Variants in PLEKHG4B observed in about 807,000 individuals in gnomAD.
The protein encoded by PLEKHG4B is pleckstrin homology and RhoGEF domain containing G4B.
A neutral mutation model predicts 121.3 loss-of-function variants in PLEKHG4B; 111 were observed. The observed-to-expected ratio is 0.92, with a 90% confidence interval of 0.78 to 1.07. The LOEUF is 1.07. Among genes scored for constraint, PLEKHG4B ranks in the 50% least tolerant of loss-of-function variants. PLEKHG4B has a pLI of 0.00. For missense variants in PLEKHG4B, 1,831 were observed against 1,757.8 expected, an observed-to-expected ratio of 1.04 and a Z score of -0.74; for synonymous variants, 738 against 725.0, an observed-to-expected ratio of 1.02 and a Z score of -0.29.
chr5:156,178 G>A lies in PLEKHG4B; in HGVS notation c.2316G>A (p.Leu772=). Residue 772 remains leucine (L), a synonymous_variant, in exon 10 of 20, where the codon CTG becomes CTA. Transcript: ENST00000637938. This position sits in a 1 kb window ranked among gnomAD's most constrained non-coding sequence, Gnocchi z 4.4. ...AGGGGGGCACCGTCCTGGCGCGGCT[G>A]AGGAGAGAAGAGCTTGGCACAGAAG... ...RLEGGTVLAR[L]RREELGTEDS... 2.5e-6 allele frequency: 4 copies of A among 1,571,354 alleles called. No individual in the cohort carries two copies. Among genetic ancestry groups the A allele is most frequent in the East Asian group, 2.3e-5 (1 of 43,720 alleles).
chr5:140,250 G>A lies in PLEKHG4B; in HGVS notation c.1011G>A (p.Arg337=). The A allele has an allele frequency of 6.9e-7, 1 of 1,449,804 alleles. No individual in the cohort carries two copies. Among genetic ancestry groups the A allele is most frequent in the Non-Finnish European group, 9.1e-7 (1 of 1,098,268 alleles). The allele number at this position is 1,449,804 out of a possible 1,614,324, so 89.8% of individuals were successfully genotyped here. The change falls in exon 3 of 20, where the codon AGG becomes AGA. Residue 337 remains arginine (R), a synonymous_variant. Coordinates refer to ENST00000637938, the MANE Select transcript of PLEKHG4B (RefSeq NM_052909.5). ...HTDLGIPSSR[R]RPPGDPTCVQ... ...ACCTGGGCATCCCGAGCAGCAGGAG[G>A]CGGCCGCCGGGGGACCCCACTTGTG...
Position 145,218 on chromosome 5 carries a change from C to T in PLEKHG4B, c.1905+298C>T, listed in dbSNP as rs182985878. On this transcript the variant is annotated intron_variant, in intron 6 of 19. Transcript: ENST00000637938. ...CCTAAAATGCAAAGCCAGCCAGGCC[C>T]GGGTGGTGGGCACCTGTCCCAGGAG... 1.4e-4 allele frequency among the ~76,000 whole-genome samples: 22 copies of T among 152,340 alleles called. 1 individual carries two copies. The highest frequency in any genetic ancestry group is 6.2e-4 in the South Asian group (3 of 4,824).
At chr5:141,437 C>T (rs191602189) in intron 3 of PLEKHG4B, among the ~76,000 whole-genome samples, 8 of 150,564 alleles carry the variant, frequency 5.3e-5, no homozygotes, top group Admixed American at 5.3e-4. Flanking sequence ...GTGTCCCGGG[C>T]TGTGGCTGCA....
At chr5:154,837 A>C (rs764962073) in intron 7 of PLEKHG4B, 38 bp from the exon 8 acceptor site, 18 of 1,504,748 alleles carry the variant, frequency 1.2e-5, no homozygotes, top group Non-Finnish European at 1.7e-5. Flanking sequence ...CAAGAGATGC[A>C]TCTGGAGCCA....
At position 139,524 on chromosome 5, in the gene PLEKHG4B, G is replaced by A. The variant is rs559067972; in HGVS notation, c.285G>A (p.Pro95=). 1 of 398,972 alleles carries A rather than the reference G, an allele frequency of 2.5e-6. No homozygotes were observed. The highest frequency in any genetic ancestry group is 4.4e-6 in the Non-Finnish European group (1 of 226,156). The allele number at this position is 398,972 out of a possible 1,614,324, so 24.7% of individuals were successfully genotyped here. A position where few individuals can be genotyped will look rare whatever the true frequency, so the allele number is the denominator to read the frequency against. ...RGLVFLHPGW[P]LCAHEKVVVQ... is the part of the protein sequence containing the mutation. Reference sequence around the variant, plus strand: ...TGGTCTTCCTGCACCCAGGCTGGCCGCTGTGCGCCCATGAGAAGGTGGTGG... The same window carrying A: ...TGGTCTTCCTGCACCCAGGCTGGCCACTGTGCGCCCATGAGAAGGTGGTGG... Residue 95 remains proline (P), a synonymous_variant, in exon 3 of 20, where the codon CCG becomes CCA. Transcript: ENST00000637938. The surrounding 1 kb of genome is among the most constrained non-coding windows in gnomAD (Gnocchi z 5.0).
At position 151,318 on chromosome 5, in the gene PLEKHG4B, C is replaced by T. The variant is rs192888186; in HGVS notation, c.1906-195C>T. 2.0e-3 allele frequency among the ~76,000 whole-genome samples: 303 copies of T among 152,090 alleles called. 3 individuals are homozygous for T. Among genetic ancestry groups the T allele is most frequent in the Middle Eastern group, 0.014 (4 of 294 alleles). On this transcript the variant is annotated intron_variant, in intron 6 of 19. Transcript: ENST00000637938. ...ATTTTATTGTATGTAAATTATACCTCGATAAACCTGATTACATTAAAAATT... is the reference window on the plus strand; with the variant it reads ...ATTTTATTGTATGTAAATTATACCTTGATAAACCTGATTACATTAAAAATT...
intron 13 of PLEKHG4B, among the ~76,000 whole-genome samples, chr5:164,640 C>G (rs822192): frequency 0.24 from 23,442 of 96,616 alleles, 6,206 homozygotes; most frequent in South Asian, 0.44. Flanking sequence ...GGAGCTCACA[C>G]TAATGCTCTG....
chr5:98,604 TGTG>T (rs1314458115), intron 1 of PLEKHG4B, among the ~76,000 whole-genome samples: 4 of 42,092 alleles, frequency 9.5e-5, no homozygotes, highest in African/African-American at 1.9e-4. Context: ...CTGGCTAATT[TGTG>T]TGTGTGTGTG....
intron 2 of PLEKHG4B, among the ~76,000 whole-genome samples, chr5:114,816 A>G (rs1373748442): frequency 2.0e-5 from 3 of 152,208 alleles, no homozygotes; most frequent in Non-Finnish European, 4.4e-5. Context: ...GTTCAGTTAC[A>G]TCTTCAGGCT....
chr5:136,021 A>G (rs1442972804), intron 2 of PLEKHG4B, among the ~76,000 whole-genome samples: 1 of 152,052 alleles, frequency 6.6e-6, no homozygotes, highest in African/African-American at 2.4e-5. Context: ...ACCCTCACGT[A>G]TATGGCTAAG....
chr5:150,283 A>G (rs114123127), intron 6 of PLEKHG4B, among the ~76,000 whole-genome samples: 1,660 of 152,342 alleles, frequency 0.011, 20 homozygotes, highest in African/African-American at 0.034. Context: ...TTCCACTTCT[A>G]TGAGTACTCA....
intron 2 of PLEKHG4B, among the ~76,000 whole-genome samples, chr5:114,406 T>C (rs761576873): frequency 2.6e-5 from 4 of 152,214 alleles, no homozygotes; most frequent in Admixed American, 2.6e-4. Context: ...TCCTTTGTTG[T>C]CATTTCAACA....
At chr5:176,995 G>A (rs560677847) in intron 18 of PLEKHG4B, among the ~76,000 whole-genome samples, 12 of 152,294 alleles carry the variant, frequency 7.9e-5, no homozygotes, top group South Asian at 4.1e-4. Context: ...TCCCCATTGC[G>A]TCATTGGTCA....
At chr5:101,345 A>G (rs1232744193) in intron 1 of PLEKHG4B, among the ~76,000 whole-genome samples, 2 of 120,414 alleles carry the variant, frequency 1.7e-5, no homozygotes, top group African/African-American at 4.2e-5. Context: ...AAGCCCTGGA[A>G]AAAGCCTGTA....
intron 1 of PLEKHG4B, among the ~76,000 whole-genome samples, chr5:105,904 C>T (rs1023711100): frequency 1.3e-5 from 2 of 152,226 alleles, no homozygotes; most frequent in African/African-American, 2.4e-5. Flanking sequence ...AGCACGCACC[C>T]GCCGCCTCTC....
chr5:169,257 G>A (rs1004533213), intron 13 of PLEKHG4B, 83 bp from the exon 14 acceptor site: 12 of 1,555,218 alleles, frequency 7.7e-6, no homozygotes, highest in Non-Finnish European at 9.6e-6. Flanking sequence ...GGGTTTTCAT[G>A]TGTTTCTGTC....
chr5:167,066 G>T (rs533847480), intron 13 of PLEKHG4B, among the ~76,000 whole-genome samples: 3 of 152,210 alleles, frequency 2.0e-5, no homozygotes, highest in Non-Finnish European at 4.4e-5. Flanking sequence ...GCCGACCCCC[G>T]TGTGATTTCC....
intron 6 of PLEKHG4B, among the ~76,000 whole-genome samples, chr5:147,766 G>C (rs1228692926): frequency 6.6e-6 from 1 of 152,128 alleles, no homozygotes; most frequent in Non-Finnish European, 1.5e-5. Context: ...TGATACTAAA[G>C]CCAGCCAAAG....
At chr5:110,632 C>CA (rs1386378903) in intron 1 of PLEKHG4B, among the ~76,000 whole-genome samples, 2 of 150,366 alleles carry the variant, frequency 1.3e-5, no homozygotes, top group African/African-American at 2.5e-5. Context: ...CTCTGCAACA[C>CA]ACGTGCACAC....
Sources: allele counts gnomAD v4.1 joint callset (sites outside exome capture counted in the v4.1 genomes callset), GRCh38; gene constraint gnomAD v4.1.1; non-coding constraint Gnocchi (gnomAD v3.1); transcripts MANE v1.5; gene names NCBI Gene and HGNC (gene_info 2026-07-23, HGNC 2026-07-21).